Variants in KCNH1 observed in about 807,000 individuals in gnomAD.
The protein encoded by KCNH1 is potassium voltage-gated channel subfamily H member 1, also known as voltage-gated delayed rectifier potassium channel KCNH1.
Under a neutral mutation model 69.2 loss-of-function variants are expected in KCNH1, and 27 were observed. That is an observed-to-expected ratio of 0.39 (90% confidence interval 0.29 to 0.54). The LOEUF (loss-of-function observed/expected upper bound fraction) is 0.54, where lower values mean the gene tolerates loss of function less well. KCNH1 is among the 20% of genes least tolerant of loss of function. KCNH1 has a pLI of 0.68. For missense variants in KCNH1, 798 were observed against 1,261.6 expected (o/e 0.63, Z 5.57); for synonymous variants, 456 against 487.7 (o/e 0.93, Z 0.86).
intron 7 of KCNH1, among the ~76,000 whole-genome samples, chr1:210,824,679 C>A (rs936844185): frequency 4.6e-5 from 7 of 152,186 alleles, no homozygotes; most frequent in African/African-American, 1.4e-4. Flanking sequence ...TTTTAATAGC[C>A]TTTTCAGGTA....
intron 5 of KCNH1, among the ~76,000 whole-genome samples, chr1:211,056,289 G>A (rs563959302): frequency 6.6e-6 from 1 of 152,242 alleles, no homozygotes; most frequent in Non-Finnish European, 1.5e-5. Flanking sequence ...AGGGGCCTAG[G>A]GTGGTGGTGG....
chr1:211,002,191 G>A (rs1274586196), intron 6 of KCNH1, among the ~76,000 whole-genome samples: 2 of 151,134 alleles, frequency 1.3e-5, no homozygotes, highest in East Asian at 1.9e-4. Context: ...AGAACTTAAA[G>A]TATAATAATA....
chr1:210,696,000 G>C lies in KCNH1; in HGVS notation c.2113-11862C>G, dbSNP rs1420965314. On this transcript the variant is annotated intron_variant, in intron 10 of 10. Transcript: ENST00000271751. The stretch of plus-strand genomic sequence containing the variant: ...CAGCTCCTGTAGTATGGCTCCAGCA[G>C]CAGTGGTCAGCTTTAGTCCCACTCT... 2.0e-5 allele frequency among the ~76,000 whole-genome samples: 3 copies of C among 152,322 alleles called. No individual in the cohort carries two copies. In the East Asian group the frequency reaches 5.8e-4, roughly 29 times the overall value.
chr1:210,824,576 C>T (rs948083365), intron 7 of KCNH1, among the ~76,000 whole-genome samples: 1 of 152,102 alleles, frequency 6.6e-6, no homozygotes, highest in African/African-American at 2.4e-5. Context: ...ATACCTGCTT[C>T]TACACTCAAT....
At chr1:210,705,210 A>T (rs1396321877) in intron 10 of KCNH1, among the ~76,000 whole-genome samples, 1 of 152,210 alleles carries the variant, frequency 6.6e-6, no homozygotes, top group African/African-American at 2.4e-5. Context: ...GAAGTATCTG[A>T]AATAGGCAAG....
intron 5 of KCNH1, among the ~76,000 whole-genome samples, chr1:211,021,069 T>C (rs1375488906): frequency 6.6e-6 from 1 of 152,076 alleles, no homozygotes; most frequent in Admixed American, 6.6e-5. Context: ...AAACCAAACA[T>C]TGTATGTCCT....
At chr1:210,880,041 T>G (rs1686462472) in intron 7 of KCNH1, among the ~76,000 whole-genome samples, 1 of 152,124 alleles carries the variant, frequency 6.6e-6, no homozygotes, top group South Asian at 2.1e-4. Context: ...ACGAATGTGT[T>G]TAAGATCTAT....
intron 10 of KCNH1, among the ~76,000 whole-genome samples, chr1:210,700,929 T>TTTTA (rs201926081): frequency 0.021 from 3,126 of 151,996 alleles, 89 homozygotes; most frequent in Admixed American, 0.062. Context: ...TTTAGTTTCT[T>TTTTA]TTTATTTATT....
Position 210,683,954 on chromosome 1 carries a change from A to C in KCNH1, c.2297T>G (p.Val766Gly), listed in dbSNP as rs1363714608. Residue 766 changes from valine (V) to glycine (G), a missense_variant, in exon 11 of 11, where the codon GTG (valine) becomes GGG (glycine). By Grantham distance (109) the Val-to-Gly change is moderately radical. Around this residue, in one of 4 missense-constraint regions of KCNH1, gnomAD observed 331 missense variants for 363.2 expected, o/e 0.91. Transcript: ENST00000271751. This position sits in a 1 kb window ranked among gnomAD's most constrained non-coding sequence, Gnocchi z 5.7. ...CTCTGTAAGGACATTGCCCTTCTCC[A>C]CATCTAGGTCATCCAGGTCCCGGCC... Reference protein sequence around the residue: ...RGGRDLDDLDVEKGNVLTEHA... With the variant: ...RGGRDLDDLDGEKGNVLTEHA... 5.0e-6 allele frequency: 8 copies of C among 1,603,992 alleles called. No individual in the cohort carries two copies. The highest frequency in any genetic ancestry group is 6.8e-6 in the Non-Finnish European group (8 of 1,171,840).
At chr1:210,921,447 C>T (rs1372069901) in intron 6 of KCNH1, among the ~76,000 whole-genome samples, 1 of 152,218 alleles carries the variant, frequency 6.6e-6, no homozygotes, top group East Asian at 1.9e-4. Flanking sequence ...GCTATTCTCT[C>T]TTGTCCACTA....
intron 9 of KCNH1, among the ~76,000 whole-genome samples, chr1:210,788,736 G>A (rs1438370351): frequency 2.0e-4 from 22 of 108,752 alleles, no homozygotes; most frequent in African/African-American, 7.2e-4. Context: ...TCGCTCTGTC[G>A]CCCAGGCTGG....
chr1:210,999,997 T>C (rs1464410264), intron 6 of KCNH1, among the ~76,000 whole-genome samples: 2 of 152,216 alleles, frequency 1.3e-5, no homozygotes, highest in African/African-American at 2.4e-5. Context: ...AAATTAGGTA[T>C]TGATGGGATG....
chr1:211,066,982 T>C lies in KCNH1; in HGVS notation c.558+15798A>G, dbSNP rs145793901. Among the ~76,000 whole-genome samples the C allele has an allele frequency of 2.3e-3, 340 of 150,650 alleles. 1 individual carries two copies. Among genetic ancestry groups the C allele is most frequent in the African/African-American group, 8.0e-3 (329 of 41,270 alleles). On this transcript the variant is annotated intron_variant, in intron 5 of 10. Coordinates refer to ENST00000271751, the MANE Select transcript of KCNH1 (RefSeq NM_172362.3). The stretch of plus-strand genomic sequence containing the variant: ...TCACAATTGCATATCTCAGATTACA[T>C]CTTGACCTGGCTTCCTCACGGGGAA...
chr1:210,805,852 T>G (rs1165574668), intron 7 of KCNH1, among the ~76,000 whole-genome samples: 1 of 152,238 alleles, frequency 6.6e-6, no homozygotes, highest in Non-Finnish European at 1.5e-5. Context: ...CTTCCATGAC[T>G]AGCTTTTCAC....
At chr1:210,747,142 T>C (rs967936129) in intron 10 of KCNH1, among the ~76,000 whole-genome samples, 1 of 152,180 alleles carries the variant, frequency 6.6e-6, no homozygotes, top group East Asian at 1.9e-4. Flanking sequence ...ATAATGGATT[T>C]ATTAAGCAGA....
intron 6 of KCNH1, among the ~76,000 whole-genome samples, chr1:211,000,002 G>A (rs985008264): frequency 6.6e-6 from 1 of 152,154 alleles, no homozygotes; most frequent in African/African-American, 2.4e-5. Context: ...AGGTATTGAT[G>A]GGATGTATCT....
intron 6 of KCNH1, among the ~76,000 whole-genome samples, chr1:210,955,194 C>G (rs1688145161): frequency 6.6e-6 from 1 of 152,140 alleles, no homozygotes; most frequent in Admixed American, 6.5e-5. Context: ...TCAGGTATGT[C>G]AAAGATCAGA....
intron 10 of KCNH1, among the ~76,000 whole-genome samples, chr1:210,766,875 GA>G (rs1357149885): frequency 6.6e-6 from 1 of 152,178 alleles, no homozygotes; most frequent in Admixed American, 6.5e-5. Flanking sequence ...AGTCCCCTTG[GA>G]AATAGGGGAG....
At chr1:210,980,871 G>C (rs1688697918) in intron 6 of KCNH1, among the ~76,000 whole-genome samples, 1 of 151,820 alleles carries the variant, frequency 6.6e-6, no homozygotes, top group East Asian at 1.9e-4. Flanking sequence ...ATATGATAAA[G>C]CAGATATCTC....
Sources: gnomAD v4.1 joint callset for allele counts (sites outside exome capture counted in the v4.1 genomes callset) on GRCh38, gnomAD v4.1.1 for gene constraint, gnomAD v4.1.1 regional missense constraint, Gnocchi (gnomAD v3.1) non-coding constraint, MANE v1.5 for transcripts, NCBI Gene and HGNC (gene_info 2026-07-23, HGNC 2026-07-21) for gene names.